PDE1C: variants seen among roughly 807,000 people sequenced by gnomAD.
The protein encoded by PDE1C is dual specificity calcium/calmodulin-dependent 3',5'-cyclic nucleotide phosphodiesterase 1C.
A neutral mutation model predicts 93.1 loss-of-function variants in PDE1C; 62 were observed. The observed-to-expected ratio is 0.67, with a 90% CI of 0.54 to 0.82. PDE1C has a LOEUF of 0.82. Ranked by LOEUF, PDE1C falls within the 40% of genes least tolerant of loss-of-function variation. PDE1C has a pLI of 0.00. For missense variants in PDE1C, 742 were observed against 884.6 expected (o/e 0.84, Z 2.04); for synonymous variants, 325 against 310.1 (o/e 1.05, Z -0.50).
intron 2 of PDE1C, among the ~76,000 whole-genome samples, chr7:31,995,738 G>T (rs867635837): frequency 6.6e-6 from 1 of 152,116 alleles, no homozygotes; most frequent in East Asian, 1.9e-4. Context: ...GCTGCTGAGA[G>T]CTGACGGGCC....
At chr7:32,097,614 C>T (rs1276802951) in intron 3 of PDE1C, among the ~76,000 whole-genome samples, 1 of 152,122 alleles carries the variant, frequency 6.6e-6, no homozygotes, top group Non-Finnish European at 1.5e-5. Flanking sequence ...GACAAAGCAT[C>T]CCATGGTGAG....
chr7:32,164,892 G>T (rs1454618971), intron 3 of PDE1C, among the ~76,000 whole-genome samples: 1 of 152,060 alleles, frequency 6.6e-6, no homozygotes, highest in Non-Finnish European at 1.5e-5. Flanking sequence ...GTCTTCCTTA[G>T]CCCCAGGTTC....
chr7:32,177,021 TA>T (rs1803043950), intron 2 of PDE1C, among the ~76,000 whole-genome samples: 1 of 152,228 alleles, frequency 6.6e-6, no homozygotes, highest in East Asian at 1.9e-4. Context: ...TTTCAAAAAG[TA>T]AAAAAACTTT....
chr7:32,031,800 G>A (rs1454485779), intron 2 of PDE1C, among the ~76,000 whole-genome samples: 1 of 152,114 alleles, frequency 6.6e-6, no homozygotes, highest in African/African-American at 2.4e-5. Flanking sequence ...CTACCACAAG[G>A]GTTCTAGGAA....
Position 31,975,211 on chromosome 7 carries a change from A to C in PDE1C, c.128+76343T>G, listed in dbSNP as rs1761872902. 3.9e-5 allele frequency among the ~76,000 whole-genome samples: 6 copies of C among 152,002 alleles called. 1 individual carries two copies. The South Asian group carries it at 1.0e-3, about 26-fold the overall frequency. On this transcript the variant is annotated intron_variant, in intron 2 of 17. Transcript: ENST00000396191. ...CCCCACAGCTTCCTGACCAACACCAAATGGGGGGTTCAAGACACAGCTCAA... is the reference window on the plus strand; with the variant it reads ...CCCCACAGCTTCCTGACCAACACCACATGGGGGGTTCAAGACACAGCTCAA...
rs540849203 is a variant in PDE1C at position 32,359,510 on chromosome 7, A to G, written c.310+68312T>C. Among the ~76,000 whole-genome samples the G allele has an allele frequency of 1.2e-4, 19 of 152,300 alleles. No homozygotes were observed. In the South Asian group the frequency reaches 2.1e-3, roughly 17 times the overall value. ...AGACTTTGCCTGCCTTGTTGCCTCT[A>G]TGTCTCCAATACCTACAAGAGTGCC... On this transcript the variant is annotated intron_variant, in intron 1 of 1. Transcript: ENST00000672256.
chr7:32,374,966 C>T (rs958707662), intron 1 of PDE1C, among the ~76,000 whole-genome samples: 7 of 152,148 alleles, frequency 4.6e-5, no homozygotes, highest in African/African-American at 7.2e-5. Context: ...GTTCCCAGGA[C>T]GCCCAGTTGC....
chr7:31,950,257 C>G (rs1343089338), intron 2 of PDE1C, among the ~76,000 whole-genome samples: 1 of 152,152 alleles, frequency 6.6e-6, no homozygotes, highest in Non-Finnish European at 1.5e-5. Context: ...AAGATGCAAG[C>G]TCTACTCCCA....
intron 3 of PDE1C, among the ~76,000 whole-genome samples, chr7:32,112,836 G>A (rs1403969978): frequency 1.7e-4 from 10 of 57,716 alleles, no homozygotes; most frequent in African/African-American, 9.3e-4. Flanking sequence ...GTGTGTGTGT[G>A]TGTGTGTGTG....
intron 2 of PDE1C, among the ~76,000 whole-genome samples, chr7:31,961,475 G>A (rs1808960309): frequency 6.6e-6 from 1 of 152,106 alleles, no homozygotes; most frequent in Non-Finnish European, 1.5e-5. Context: ...GTATCAGAGT[G>A]TGTGAGATAC....
chr7:32,170,121 A>T (rs1468198581), intron 2 of PDE1C, among the ~76,000 whole-genome samples: 1 of 152,180 alleles, frequency 6.6e-6, no homozygotes, highest in Non-Finnish European at 1.5e-5. Context: ...TTACATTTAT[A>T]TGCAGAAAAT....
chr7:32,013,527 G>C (rs1170952032), intron 2 of PDE1C, among the ~76,000 whole-genome samples: 1 of 152,182 alleles, frequency 6.6e-6, no homozygotes, highest in East Asian at 1.9e-4. Flanking sequence ...TTCTGTATTT[G>C]TCCTGATTGG....
intron 3 of PDE1C, among the ~76,000 whole-genome samples, chr7:32,099,347 T>G (rs1308899780): frequency 9.8e-5 from 15 of 152,338 alleles, no homozygotes; most frequent in African/African-American, 3.6e-4. Flanking sequence ...AATGAGGAAA[T>G]AGGATGTTAC....
the PDE1C span, among the ~76,000 whole-genome samples, chr7:31,678,187 T>C: frequency 2.0e-5 from 3 of 152,166 alleles, no homozygotes; most frequent in Admixed American, 1.3e-4. Flanking sequence ...TATAAACTTA[T>C]GAATTTAATT....
chr7:31,760,383 C>A (rs1160524285), intron 17 of PDE1C, among the ~76,000 whole-genome samples: 21 of 152,156 alleles, frequency 1.4e-4, no homozygotes, highest in Non-Finnish European at 1.6e-4. Context: ...TAAATGAGAG[C>A]AATCAAGAGA....
At chr7:32,141,156 A>G (rs1318609613) in intron 3 of PDE1C, among the ~76,000 whole-genome samples, 5 of 152,228 alleles carry the variant, frequency 3.3e-5, no homozygotes, top group African/African-American at 9.6e-5. Context: ...CCCATCCCTC[A>G]TAAGTGTGGC....
chr7:31,856,031 T>G (rs187922797), intron 7 of PDE1C, among the ~76,000 whole-genome samples: 2 of 152,216 alleles, frequency 1.3e-5, no homozygotes, highest in African/African-American at 4.8e-5. Flanking sequence ...AAGTATCTTC[T>G]AGGCACTTAA....
At chr7:31,726,347 T>G in the PDE1C span, among the ~76,000 whole-genome samples, 1 of 152,172 alleles carries the variant, frequency 6.6e-6, no homozygotes, top group Non-Finnish European at 1.5e-5. Flanking sequence ...TGGGAGCCAC[T>G]GCACCTAGCA....
At chr7:32,359,593 A>G (rs751659205) in intron 1 of PDE1C, among the ~76,000 whole-genome samples, 12 of 152,252 alleles carry the variant, frequency 7.9e-5, no homozygotes, top group Non-Finnish European at 1.8e-4. Flanking sequence ...ACATGCACGC[A>G]TGAATCCAGC....
Sources: allele counts gnomAD v4.1 joint callset (sites outside exome capture counted in the v4.1 genomes callset), GRCh38; gene constraint gnomAD v4.1.1; transcripts MANE v1.5; gene names NCBI Gene and HGNC (gene_info 2026-07-23, HGNC 2026-07-21).